The following SLC23A1 variants were observed in gnomAD, a reference collection of about 807,000 sequenced individuals.
SLC23A1 encodes Na(+)/L-ascorbic acid transporter 1.
SLC23A1 carries 31 observed loss-of-function variants against 62.5 expected under a neutral mutation model. The ratio of observed to expected loss-of-function variants is 0.50; its 90% CI spans 0.37 to 0.67. The LOEUF (loss-of-function observed/expected upper bound fraction) is 0.67. SLC23A1 is among the 30% of genes least tolerant of loss of function. The probability of loss-of-function intolerance (pLI) is 0.00; values close to 1 mark genes in which losing one functional copy is unlikely to be tolerated. For synonymous variants in SLC23A1, 271 were observed against 313.2 expected, an observed-to-expected ratio of 0.87 and a Z score of 1.42; for missense variants, 640 against 782.7, an observed-to-expected ratio of 0.82 and a Z score of 2.18.
At chr5:139,375,990 C>T (rs1032939011) in intron 13 of SLC23A1, among the ~76,000 whole-genome samples, 4 of 151,756 alleles carry the variant, frequency 2.6e-5, no homozygotes, top group Non-Finnish European at 4.4e-5. Flanking sequence ...AAAAATTAGC[C>T]GGGCATGGTG....
Position 139,377,005 on chromosome 5 carries a change from C to A in SLC23A1, c.1549+397G>T, listed in dbSNP as rs142101377. On this transcript the variant is annotated intron_variant, in intron 13 of 14. Coordinates refer to ENST00000348729, the MANE Select transcript of SLC23A1 (RefSeq NM_005847.5). ...GGCGTGGTGGCAGCCACCTGTAGTC[C>A]CAGCTACTCAGGAGACAGGAGAATC... is the stretch of plus-strand genomic sequence containing the variant. Among the ~76,000 whole-genome samples the A allele has an allele frequency of 5.4e-3, 823 of 152,090 alleles. 6 individuals carry two copies. The highest frequency in any genetic ancestry group is 0.019 in the African/African-American group (797 of 41,476).
chr5:139,383,153 T>C, intron 1 of SLC23A1, 65 bp downstream of exon 1: 1 of 571,250 alleles, frequency 1.8e-6, no homozygotes, highest in Non-Finnish European at 2.8e-6. Context: ...GAAGAAGGCC[T>C]GCACAGGCCC....
At chr5:139,384,413 C>T (rs767480789), upstream of SLC23A1, 43 of 1,289,614 alleles carry the variant, frequency 3.3e-5, no homozygotes, top group African/African-American at 6.1e-5. Flanking sequence ...GGGGCAGCAC[C>T]GCTCTCCAGC....
Position 139,379,842 on chromosome 5 carries a change from A to G in SLC23A1, c.769-8T>C. ...CATGATGGCCAGCATGATCTGAAGG[A>G]GGGGGGTGAGGGGGCACTGAAGGCA... On this transcript the variant is annotated splice_polypyrimidine_tract_variant and splice_region_variant and intron_variant, in intron 7 of 14. Coordinates refer to ENST00000348729, the MANE Select transcript of SLC23A1 (RefSeq NM_005847.5). This position sits in a 1 kb window ranked among gnomAD's most constrained non-coding sequence, Gnocchi z 4.7. The G allele has an allele frequency of 1.2e-6, 2 of 1,613,838 alleles. No individual in the cohort carries two copies. Among genetic ancestry groups the G allele is most frequent in the Non-Finnish European group, 1.7e-6 (2 of 1,179,924 alleles).
chr5:139,377,933 G>A (rs777484204), intron 12 of SLC23A1, 42 bp downstream of exon 12: 1 of 1,596,042 alleles, frequency 6.3e-7, no homozygotes, highest in Non-Finnish European at 8.5e-7. Flanking sequence ...TCAAAATTTT[G>A]GGCCCACCCC....
At position 139,378,636 on chromosome 5, in the gene SLC23A1, G is replaced by C. The variant is rs753802288; in HGVS notation, c.1122C>G (p.Gly374=). 3.7e-6 allele frequency: 6 copies of C among 1,612,526 alleles called. No homozygotes were observed. In the East Asian group the frequency reaches 1.3e-4, roughly 36 times the overall value. The change falls in exon 10 of 15, where the codon GGC becomes GGG. Residue 374 remains glycine, a synonymous_variant. Coordinates refer to ENST00000348729, the MANE Select transcript of SLC23A1 (RefSeq NM_005847.5). The surrounding 1 kb of genome is among the most constrained non-coding windows in gnomAD (Gnocchi z 4.5). ...TGGACGAGGTGGACCCGTTGCCCGTGCCCAATAGCCCCGCGATGATGCAGC... is the reference window on the plus strand; with the variant it reads ...TGGACGAGGTGGACCCGTTGCCCGTCCCCAATAGCCCCGCGATGATGCAGC... ...GICCIIAGLL[G]TGNGSTSSSP...
intron 13 of SLC23A1, among the ~76,000 whole-genome samples, chr5:139,372,616 G>A (rs1012183137): frequency 6.6e-5 from 10 of 151,694 alleles, no homozygotes; most frequent in Non-Finnish European, 2.9e-5. Context: ...AGACAGTCTC[G>A]CTCTGTTGCC....
upstream of SLC23A1, chr5:139,384,676 A>C: frequency 8.3e-7 from 1 of 1,204,760 alleles, no homozygotes; most frequent in South Asian, 1.5e-5. Context: ...AATTCAACCC[A>C]AACCACACAA....
chr5:139,384,756 G>A (rs1479816706), upstream of SLC23A1: 4 of 985,318 alleles, frequency 4.1e-6, no homozygotes, highest in African/African-American at 1.7e-5. Context: ...CACACACCCA[G>A]AGCTGATGCA....
At chr5:139,375,327 A>T (rs1443127372) in intron 13 of SLC23A1, among the ~76,000 whole-genome samples, 2 of 152,192 alleles carry the variant, frequency 1.3e-5, no homozygotes, top group African/African-American at 4.8e-5. Context: ...GGTGCAGTGG[A>T]TGGGACACAG....
chr5:139,379,455 C>A lies in SLC23A1; in HGVS notation c.926-101G>T. 1 of 1,256,994 alleles carries A rather than the reference C, an allele frequency of 8.0e-7. No individual in the cohort carries two copies. The highest frequency in any genetic ancestry group is 1.9e-5 in the Admixed American group (1 of 52,746). The allele number at this position is 1,256,994 out of a possible 1,614,324, so 77.9% of individuals were successfully genotyped here. A position where few individuals can be genotyped will look rare whatever the true frequency, so the allele number is the denominator to read the frequency against. Reference sequence around the variant, plus strand: ...GAAGGAGCAAGAGCAGATCAGGAGACCTCAGGCTGGGATGGGAGCTATACA... The same window carrying A: ...GAAGGAGCAAGAGCAGATCAGGAGAACTCAGGCTGGGATGGGAGCTATACA... On this transcript the variant is annotated intron_variant, in intron 8 of 14. Transcript: ENST00000348729. The surrounding 1 kb of genome is among the most constrained non-coding windows in gnomAD (Gnocchi z 4.7).
upstream of SLC23A1, among the ~76,000 whole-genome samples, chr5:139,383,747 C>T (rs542728556): frequency 6.6e-6 from 1 of 152,356 alleles, no homozygotes; most frequent in African/African-American, 2.4e-5. Flanking sequence ...TCCCAAGTAA[C>T]CCCTGTGCTG....
Position 139,378,421 on chromosome 5 carries a change from G to A in SLC23A1, c.1180-70C>T. On this transcript the variant is annotated intron_variant, in intron 10 of 14. Coordinates refer to ENST00000348729, the MANE Select transcript of SLC23A1 (RefSeq NM_005847.5). The surrounding 1 kb of genome is among the most constrained non-coding windows in gnomAD (Gnocchi z 4.5). ...GGGCGGGGTTAGTTCCAGGGGCGGG[G>A]CCTGTTATAAGAGCGAGGCATAAAC... The A allele has an allele frequency of 6.6e-7, 1 of 1,520,476 alleles. No individual in the cohort carries two copies. Among genetic ancestry groups the A allele is most frequent in the Non-Finnish European group, 8.9e-7 (1 of 1,125,838 alleles). The allele number at this position is 1,520,476 out of a possible 1,614,324, so 94.2% of individuals were successfully genotyped here. A position where few individuals can be genotyped will look rare whatever the true frequency, so the allele number is the denominator to read the frequency against.
At chr5:139,384,113 C>T (rs1758416026), upstream of SLC23A1, among the ~76,000 whole-genome samples, 1 of 152,246 alleles carries the variant, frequency 6.6e-6, no homozygotes, top group African/African-American at 2.4e-5. Flanking sequence ...GAGCGTGGGG[C>T]CTTTCTATGC....
At chr5:139,368,705 CT>C in intron 14 of SLC23A1, 1 of 1,539,714 alleles carries the variant, frequency 6.5e-7, no homozygotes, top group Non-Finnish European at 9.0e-7. Context: ...TGTTAATGAA[CT>C]TGCTTTTTTA....
chr5:139,370,592 C>T (rs1411816667), intron 14 of SLC23A1, among the ~76,000 whole-genome samples: 1 of 151,760 alleles, frequency 6.6e-6, no homozygotes, highest in African/African-American at 2.4e-5. Flanking sequence ...CTCCTGGGCT[C>T]AAGTGATTCT....
intron 14 of SLC23A1, chr5:139,368,641 T>G (rs1757451813): frequency 1.2e-6 from 1 of 860,756 alleles, no homozygotes; most frequent in African/African-American, 1.7e-5. Context: ...TGTCTTTTTT[T>G]TTTTGGAAGA....
At chr5:139,377,288 C>T (rs1319546209) in intron 13 of SLC23A1, 114 bp downstream of exon 13, 2 of 690,760 alleles carry the variant, frequency 2.9e-6, no homozygotes, top group Middle Eastern at 3.7e-4. Flanking sequence ...CTGATGCTCC[C>T]TGCAGGGCCT....
intron 1 of SLC23A1, 145 bp from the exon 2 acceptor site, chr5:139,382,750 G>T: frequency 1.6e-6 from 1 of 617,904 alleles, no homozygotes; most frequent in Non-Finnish European, 2.9e-6. Flanking sequence ...CCATCCACCC[G>T]GGTGCCACTT....
Sources: gnomAD v4.1 joint callset for allele counts (sites outside exome capture counted in the v4.1 genomes callset) on GRCh38, gnomAD v4.1.1 for gene constraint, Gnocchi (gnomAD v3.1) non-coding constraint, MANE v1.5 for transcripts, NCBI Gene and HGNC (gene_info 2026-07-23, HGNC 2026-07-21) for gene names.